Variants in ZMYM1 observed in about 807,000 individuals in gnomAD.
The protein encoded by ZMYM1 is zinc finger MYM-type protein 1.
ZMYM1 carries 39 observed loss-of-function variants against 60.0 expected under a neutral mutation model. The observed-to-expected ratio is 0.65, with a 90% CI of 0.50 to 0.85. The LOEUF (loss-of-function observed/expected upper bound fraction) is 0.85. Among genes scored for constraint, ZMYM1 ranks in the 40% least tolerant of loss-of-function variants. ZMYM1 has a pLI of 0.00. For synonymous variants in ZMYM1, 413 were observed against 454.0 expected (o/e 0.91, Z 1.15); for missense variants, 1,171 against 1,309.5 (o/e 0.89, Z 1.63).
intron 1 of ZMYM1, among the ~76,000 whole-genome samples, chr1:35,067,377 T>A (rs538289886): frequency 6.6e-6 from 1 of 151,962 alleles, no homozygotes; most frequent in East Asian, 1.9e-4. Flanking sequence ...AACCTCTAAC[T>A]CCTGTGCTCA....
At chr1:35,063,733 A>G (rs1035573755) in intron 1 of ZMYM1, among the ~76,000 whole-genome samples, 7 of 152,210 alleles carry the variant, frequency 4.6e-5, no homozygotes, top group Non-Finnish European at 8.8e-5. Context: ...GACGATCTCT[A>G]TCACAATATT....
At chr1:35,072,324 T>C (rs1444157457) in intron 1 of ZMYM1, among the ~76,000 whole-genome samples, 2 of 152,330 alleles carry the variant, frequency 1.3e-5, no homozygotes, top group East Asian at 1.9e-4. Context: ...AATTTAATCT[T>C]CTAAAGTTTA....
chr1:35,060,977 G>A (rs1408835838), intron 1 of ZMYM1, among the ~76,000 whole-genome samples: 1 of 152,234 alleles, frequency 6.6e-6, no homozygotes. Context: ...GGGTAGGAAA[G>A]GCCATGAGCC....
chr1:35,104,311 A>G lies in ZMYM1; in HGVS notation c.436A>G (p.Lys146Glu). ...TATTCTTAGAGACATTTTAAATCCA[A>G]AGGATGTGATTAGTGTCCAGCTGGA... Reference protein sequence around the residue: ...SNCSKDILNPKDVISVQLEDT... With the variant: ...SNCSKDILNPEDVISVQLEDT... The change falls in exon 5 of 10, where the codon AAG becomes GAG. Residue 146 changes from lysine (K) to glutamate (E), a missense_variant. Coordinates refer to ENST00000359858, the MANE Select transcript of ZMYM1 (RefSeq NM_024772.5). 1 of 1,585,164 alleles carries G rather than the reference A, an allele frequency of 6.3e-7. No homozygotes were observed. Among genetic ancestry groups the G allele is most frequent in the African/African-American group, 1.4e-5 (1 of 73,194 alleles).
intron 6 of ZMYM1, among the ~76,000 whole-genome samples, chr1:35,108,804 G>GT (rs1384195577): frequency 1.3e-5 from 2 of 150,708 alleles, no homozygotes; most frequent in Non-Finnish European, 3.0e-5. Context: ...CCAACCTCAG[G>GT]TGTTCAAGCA....
chr1:35,069,940 G>T (rs985034113), intron 1 of ZMYM1, among the ~76,000 whole-genome samples: 1 of 152,086 alleles, frequency 6.6e-6, no homozygotes, highest in Non-Finnish European at 1.5e-5. Context: ...TGTTCTATTG[G>T]TCTATGTGTG....
upstream of ZMYM1, among the ~76,000 whole-genome samples, chr1:35,077,067 G>C (rs998907646): frequency 6.6e-6 from 1 of 152,106 alleles, no homozygotes. Flanking sequence ...CAAGAAAGAC[G>C]CATGAAACTT....
upstream of ZMYM1, among the ~76,000 whole-genome samples, chr1:35,074,505 T>C (rs1173655494): frequency 1.3e-5 from 2 of 151,896 alleles, no homozygotes. Context: ...ACCTCCTGGG[T>C]TCAAGCGATT....
At chr1:35,097,678 C>T (rs760586972) in intron 4 of ZMYM1, 112 bp downstream of exon 4, 4 of 1,351,912 alleles carry the variant, frequency 3.0e-6, no homozygotes. Context: ...GAGTTTGACT[C>T]TTGTTGCCCA....
chr1:35,068,141 A>G (rs577484947), intron 1 of ZMYM1, among the ~76,000 whole-genome samples: 45 of 151,750 alleles, frequency 3.0e-4, no homozygotes, highest in South Asian at 1.0e-3. Flanking sequence ...TGTGTTGGCC[A>G]GGTGCAGTGG....
chr1:35,112,103 A>G lies in ZMYM1; in HGVS notation c.1119A>G (p.Val373=). ...TTTTAACAGATACAGTTTCTTCAGT[A>G]ACAGCAACAGCAGATGTCATTGTGG... is the stretch of plus-strand genomic sequence containing the variant. ...TDVLQDTVSS[V]TATADVIVDL... is the part of the protein sequence containing the mutation. Residue 373 remains valine (V), a synonymous_variant, in exon 9 of 10, where the codon GTA becomes GTG. Transcript: ENST00000359858. 5 of 1,613,626 alleles carry G rather than the reference A, an allele frequency of 3.1e-6. No homozygotes were observed. The highest frequency in any genetic ancestry group is 4.2e-6 in the Non-Finnish European group (5 of 1,179,766).
Position 35,110,313 on chromosome 1 carries a change from T to C in ZMYM1, c.827T>C (p.Ile276Thr), listed in dbSNP as rs939254670. 3 of 1,557,894 alleles carry C rather than the reference T, an allele frequency of 1.9e-6. No homozygotes were observed. Among genetic ancestry groups the C allele is most frequent in the Non-Finnish European group, 2.6e-6 (3 of 1,157,360 alleles). ...AYKQKPAKPLISVPCKPLKPS... is the reference protein window; with the variant it reads ...AYKQKPAKPLTSVPCKPLKPS... ...AAACAGAAACCTGCCAAACCACTTATATCTGTTCCTTGCAAACCATTGAAG... is the reference window on the plus strand; with the variant it reads ...AAACAGAAACCTGCCAAACCACTTACATCTGTTCCTTGCAAACCATTGAAG... Residue 276 changes from isoleucine (I) to threonine (T), a missense_variant, in exon 7 of 10, where the codon ATA becomes ACA. Ile to Thr is a moderately conservative substitution (Grantham distance 89). Coordinates refer to ENST00000359858, the MANE Select transcript of ZMYM1 (RefSeq NM_024772.5).
chr1:35,091,214 ATATT>A (rs377278111), intron 1 of ZMYM1, among the ~76,000 whole-genome samples: 1 of 151,348 alleles, frequency 6.6e-6, no homozygotes, highest in Non-Finnish European at 1.5e-5. Context: ...TCAAGTGGAG[ATATT>A]TATTTATTTA....
At position 35,113,310 on chromosome 1, in the gene ZMYM1, T is replaced by A. The variant is rs772292981; in HGVS notation, c.1480T>A (p.Ser494Thr). Residue 494 changes from serine (S) to threonine (T), a missense_variant, in exon 10 of 10, where the codon TCA becomes ACA. By Grantham distance (58) the Ser-to-Thr change is moderately conservative. Coordinates refer to ENST00000359858, the MANE Select transcript of ZMYM1 (RefSeq NM_024772.5). ...CQKYFSCGRE[S>T]FATHGTSNWK... Reference sequence around the variant, plus strand: ...AAAATATTTTAGCTGTGGAAGAGAGTCATTTGCAACCCACGGAACTTCTAA... The same window carrying A: ...AAAATATTTTAGCTGTGGAAGAGAGACATTTGCAACCCACGGAACTTCTAA... The A allele has an allele frequency of 1.2e-5, 19 of 1,612,520 alleles. No homozygotes were observed. Among genetic ancestry groups the A allele is most frequent in the Admixed American group, 8.3e-5 (5 of 59,926 alleles).
intron 1 of ZMYM1, among the ~76,000 whole-genome samples, chr1:35,085,233 G>T (rs1642593603): frequency 6.6e-6 from 1 of 152,014 alleles, no homozygotes; most frequent in Non-Finnish European, 1.5e-5. Flanking sequence ...ATTTTTAGTA[G>T]AGACAGGGTT....
chr1:35,098,464 T>C (rs1171633209), intron 4 of ZMYM1, among the ~76,000 whole-genome samples: 1 of 152,242 alleles, frequency 6.6e-6, no homozygotes, highest in African/African-American at 2.4e-5. Context: ...ACAGTGCTTC[T>C]AAATATAACA....
At chr1:35,062,477 GAAGT>G (rs1194381566) in intron 1 of ZMYM1, among the ~76,000 whole-genome samples, 3 of 152,284 alleles carry the variant, frequency 2.0e-5, no homozygotes, top group East Asian at 3.9e-4. Context: ...AATTGGTTTA[GAAGT>G]GAGTGGGGAA....
intron 6 of ZMYM1, among the ~76,000 whole-genome samples, chr1:35,109,805 G>A (rs1476090078): frequency 6.6e-6 from 1 of 151,636 alleles, no homozygotes; most frequent in Non-Finnish European, 1.5e-5. Context: ...GGAGTGCAGT[G>A]TCACAATCTC....
At chr1:35,108,590 T>C (rs1056731749) in intron 6 of ZMYM1, among the ~76,000 whole-genome samples, 5 of 152,202 alleles carry the variant, frequency 3.3e-5, no homozygotes, top group South Asian at 2.1e-4. Flanking sequence ...TGACCTCAGA[T>C]GATCTGCCCG....
Sources: allele counts gnomAD v4.1 joint callset (sites outside exome capture counted in the v4.1 genomes callset), GRCh38; gene constraint gnomAD v4.1.1; transcripts MANE v1.5; gene names NCBI Gene and HGNC (gene_info 2026-07-23, HGNC 2026-07-21).